Variants in ADAMTS17 observed in about 807,000 individuals in gnomAD.
ADAMTS17 encodes the protein ADAM metallopeptidase with thrombospondin type 1 motif 17.
Under a neutral mutation model 141.5 loss-of-function variants are expected in ADAMTS17, and 113 were observed. That is an observed-to-expected ratio of 0.80 (90% confidence interval 0.69 to 0.93). The LOEUF is 0.93. ADAMTS17 is among the 40% of genes least tolerant of loss of function. ADAMTS17 has a pLI of 0.00. For missense variants in ADAMTS17, 1,659 were observed against 1,517.9 expected, an observed-to-expected ratio of 1.09 and a Z score of -1.54; for synonymous variants, 768 against 630.6, an observed-to-expected ratio of 1.22 and a Z score of -3.27.
chr15:99,990,327 C>T (rs1036610059), intron 20 of ADAMTS17, among the ~76,000 whole-genome samples: 6 of 152,158 alleles, frequency 3.9e-5, no homozygotes, highest in Admixed American at 2.0e-4. Flanking sequence ...TGAGCCACCA[C>T]GCCCAGCCAA....
At chr15:100,027,862 G>A (rs959082862) in intron 18 of ADAMTS17, among the ~76,000 whole-genome samples, 1 of 152,210 alleles carries the variant, frequency 6.6e-6, no homozygotes, top group African/African-American at 2.4e-5. Flanking sequence ...GGGAGTCTGA[G>A]TCTCATGAGT....
At chr15:100,338,144 C>T (rs184740706) in intron 2 of ADAMTS17, among the ~76,000 whole-genome samples, 1 of 152,230 alleles carries the variant, frequency 6.6e-6, no homozygotes, top group African/African-American at 2.4e-5. Context: ...CGCAGCTGGC[C>T]CAGCTTTTCA....
At chr15:100,109,215 A>C (rs1296230448) in intron 13 of ADAMTS17, 99 bp from the exon 14 acceptor site, 3 of 1,506,888 alleles carry the variant, frequency 2.0e-6, no homozygotes, top group Non-Finnish European at 2.7e-6. Context: ...TGAGGAAGAG[A>C]GGTCCGCACA....
At chr15:100,122,086 G>A (rs2037481004) in intron 12 of ADAMTS17, among the ~76,000 whole-genome samples, 1 of 152,182 alleles carries the variant, frequency 6.6e-6, no homozygotes, top group Non-Finnish European at 1.5e-5. Flanking sequence ...AGCAGCTACT[G>A]TCTGTCCTTC....
chr15:100,083,593 G>A (rs1471356119), intron 15 of ADAMTS17, among the ~76,000 whole-genome samples: 4 of 152,030 alleles, frequency 2.6e-5, no homozygotes, highest in Non-Finnish European at 4.4e-5. Flanking sequence ...GACAGCAAAT[G>A]CCTTGGCATT....
At chr15:100,107,999 T>A (rs1051906102) in intron 14 of ADAMTS17, among the ~76,000 whole-genome samples, 9 of 152,088 alleles carry the variant, frequency 5.9e-5, no homozygotes, top group African/African-American at 2.2e-4. Flanking sequence ...CCATCCCAGC[T>A]GCTGCGCCAC....
At chr15:100,110,157 G>A (rs951043910) in intron 13 of ADAMTS17, among the ~76,000 whole-genome samples, 3 of 121,738 alleles carry the variant, frequency 2.5e-5, no homozygotes, top group African/African-American at 1.1e-4. Context: ...CTGGCTCACA[G>A]AAAGACTCAG....
At chr15:100,006,587 C>CA (rs1179076764) in intron 18 of ADAMTS17, among the ~76,000 whole-genome samples, 1 of 152,124 alleles carries the variant, frequency 6.6e-6, no homozygotes, top group African/African-American at 2.4e-5. Context: ...TTTAAATTAT[C>CA]AAAAAACAGC....
At chr15:100,306,446 G>A (rs2045228984) in intron 3 of ADAMTS17, 1 of 455,822 alleles carries the variant, frequency 2.2e-6, no homozygotes. Flanking sequence ...GAGGCCACAG[G>A]TAGACGCTCC....
At chr15:100,271,212 G>A (rs2043898193) in intron 4 of ADAMTS17, among the ~76,000 whole-genome samples, 1 of 152,150 alleles carries the variant, frequency 6.6e-6, no homozygotes, top group Admixed American at 6.5e-5. Flanking sequence ...GAACATTGGT[G>A]TATAAATATC....
At chr15:100,228,276 G>A (rs552820191) in intron 7 of ADAMTS17, among the ~76,000 whole-genome samples, 7 of 152,264 alleles carry the variant, frequency 4.6e-5, no homozygotes, top group South Asian at 4.2e-4. Flanking sequence ...CATCCAGCGC[G>A]TGACCTCTGC....
chr15:100,205,041 G>C (rs377214266), intron 7 of ADAMTS17, among the ~76,000 whole-genome samples: 220 of 152,242 alleles, frequency 1.4e-3, no homozygotes, highest in African/African-American at 5.2e-3. Context: ...CTCAGTTATG[G>C]GTCAGAGTCA....
intron 2 of ADAMTS17, among the ~76,000 whole-genome samples, chr15:100,337,996 T>C (rs1177271813): frequency 6.6e-6 from 1 of 152,244 alleles, no homozygotes; most frequent in African/African-American, 2.4e-5. Flanking sequence ...CTGAAGTTCA[T>C]GCTTTGAAAT....
At chr15:100,012,777 G>C (rs1423764902) in intron 18 of ADAMTS17, among the ~76,000 whole-genome samples, 1 of 152,132 alleles carries the variant, frequency 6.6e-6, no homozygotes, top group African/African-American at 2.4e-5. Context: ...TGCTGTTTTG[G>C]TGACTACGGC....
chr15:99,982,800 C>G (rs890268348), intron 20 of ADAMTS17, among the ~76,000 whole-genome samples: 7 of 152,072 alleles, frequency 4.6e-5, no homozygotes, highest in African/African-American at 1.4e-4. Flanking sequence ...TGCCGGGAAA[C>G]CTGAAGTGAG....
chr15:99,974,101 GTC>G lies in ADAMTS17; in HGVS notation c.*299_*300del, dbSNP rs1482686493. ...AGTCAAGACAAGAACACTAAATGAT[GTC>G]TCTCTCTTGACGGTTGTCTGCCAGA... On this transcript the variant is annotated 3_prime_UTR_variant, in exon 22 of 22. Coordinates refer to ENST00000268070, the MANE Select transcript of ADAMTS17 (RefSeq NM_139057.4). The G allele has an allele frequency of 2.3e-5, 11 of 471,922 alleles. No individual in the cohort carries two copies. The highest frequency in any genetic ancestry group is 3.9e-5 in the African/African-American group (2 of 50,798). The allele number at this position is 471,922 out of a possible 1,614,324, so 29.2% of individuals were successfully genotyped here. A position where few individuals can be genotyped will look rare whatever the true frequency, so the allele number is the denominator to read the frequency against.
At chr15:100,177,605 G>T (rs2040381882) in intron 8 of ADAMTS17, among the ~76,000 whole-genome samples, 1 of 152,166 alleles carries the variant, frequency 6.6e-6, no homozygotes. Flanking sequence ...AGCTTGAAAA[G>T]AATGTGTATT....
intron 8 of ADAMTS17, among the ~76,000 whole-genome samples, chr15:100,184,197 C>T (rs1009677161): frequency 1.3e-5 from 2 of 152,166 alleles, no homozygotes; most frequent in Admixed American, 6.5e-5. Flanking sequence ...CATGTGGTCT[C>T]TGTTGGGCTT....
At chr15:100,067,542 A>G (rs2033627408) in intron 15 of ADAMTS17, among the ~76,000 whole-genome samples, 1 of 152,134 alleles carries the variant, frequency 6.6e-6, no homozygotes. Flanking sequence ...CTTGGGACAC[A>G]AAGCTATATT....
Sources: allele counts gnomAD v4.1 joint callset (sites outside exome capture counted in the v4.1 genomes callset), GRCh38; gene constraint gnomAD v4.1.1; transcripts MANE v1.5; gene names NCBI Gene and HGNC (gene_info 2026-07-23, HGNC 2026-07-21).